KNOP1: variants seen among roughly 807,000 people sequenced by gnomAD.
KNOP1 encodes the protein lysine-rich nucleolar protein 1.
A neutral mutation model predicts 30.6 loss-of-function variants in KNOP1; 20 were observed. The ratio of observed to expected loss-of-function variants is 0.65; its 90% CI spans 0.46 to 0.95. KNOP1 has a LOEUF of 0.95. Among genes scored for constraint, KNOP1 ranks in the 40% least tolerant of loss-of-function variants. The probability of loss-of-function intolerance (pLI) is 0.00; values close to 1 mark genes in which losing one functional copy is unlikely to be tolerated. For synonymous variants in KNOP1, 204 were observed against 210.0 expected, an observed-to-expected ratio of 0.97 and a Z score of 0.25; for missense variants, 540 against 562.0, an observed-to-expected ratio of 0.96 and a Z score of 0.40.
At chr16:19,710,717 A>G in intron 3 of KNOP1, 131 bp from the exon 4 acceptor site, 1 of 712,288 alleles carries the variant, frequency 1.4e-6, no homozygotes. Context: ...TGCTACAAAC[A>G]ATGGGAAGCT....
In KNOP1 at chr16:19,705,183, A is replaced by C. The variant is rs739565; in HGVS notation, c.*1727T>G. On this transcript the variant is annotated 3_prime_UTR_variant, in exon 5 of 5. Coordinates refer to ENST00000219837, the MANE Select transcript of KNOP1 (RefSeq NM_001012991.3). ...CTAGCCTTGATGAAGCCAACACTGG[A>C]GATGATGGAGAGAATGCTTCCTTGG... 2.2e-6 allele frequency: 1 copy of C among 455,878 alleles called. No homozygotes were observed. The highest frequency in any genetic ancestry group is 2.4e-5 in the Admixed American group (1 of 42,548). The allele number at this position is 455,878 out of a possible 1,614,324, so 28.2% of individuals were successfully genotyped here.
chr16:19,707,197 T>C lies in KNOP1; in HGVS notation c.1090A>G (p.Thr364Ala), dbSNP rs760497941. ...WTGTQFGQWD[T>A]AGFENEDQKL... ...TGGTCCTCGTTCTCAAAACCAGCAG[T>C]ATCCCACTGGCCAAACTGGGTTCCC... The change falls in exon 5 of 5, where the codon ACT becomes GCT. Residue 364 changes from threonine (T) to alanine (A), a missense_variant. Coordinates refer to ENST00000219837, the MANE Select transcript of KNOP1 (RefSeq NM_001012991.3). The C allele has an allele frequency of 6.2e-7, 1 of 1,613,368 alleles. No individual in the cohort carries two copies. Among genetic ancestry groups the C allele is most frequent in the Non-Finnish European group, 8.5e-7 (1 of 1,179,974 alleles).
At position 19,704,139 on chromosome 16, in the gene KNOP1, C is replaced by G. The variant is rs1012027895; in HGVS notation, c.*2771G>C. 1.3e-5 allele frequency: 2 copies of G among 152,214 alleles called. No individual in the cohort carries two copies. Among genetic ancestry groups the G allele is most frequent in the African/African-American group, 4.8e-5 (2 of 41,436 alleles). 9.4% of individuals were successfully genotyped at this position (152,214 alleles called of 1,614,324 possible). On this transcript the variant is annotated 3_prime_UTR_variant, in exon 5 of 5. Coordinates refer to ENST00000219837, the MANE Select transcript of KNOP1 (RefSeq NM_001012991.3). Reference sequence around the variant, plus strand: ...TTCTGTTGCCCGGGGCTAGAGTGTGCAGTGGCACCATCCCAGCTCACTACA... The same window carrying G: ...TTCTGTTGCCCGGGGCTAGAGTGTGGAGTGGCACCATCCCAGCTCACTACA...
At chr16:19,707,534 G>A (rs1026551983) in intron 4 of KNOP1, among the ~76,000 whole-genome samples, 1 of 151,896 alleles carries the variant, frequency 6.6e-6, no homozygotes, top group Admixed American at 6.6e-5. Flanking sequence ...GCACAGAGCT[G>A]CCTTTCTGCC....
chr16:19,710,572 G>A lies in KNOP1; in HGVS notation c.1002C>T (p.Ala334=). ...EAHIDQVRRK[A]LQEEIDRESG... is the part of the protein sequence containing the mutation. ...ACTCGCGATCGATCTCTTCTTGCAA[G>A]GCCTTTCGCCTCACCTGAGCAAGAA... Residue 334 remains alanine (A), a synonymous_variant, in exon 4 of 5, where the codon GCC becomes GCT. Coordinates refer to ENST00000219837, the MANE Select transcript of KNOP1 (RefSeq NM_001012991.3). 2 of 1,612,224 alleles carry A rather than the reference G, an allele frequency of 1.2e-6. No homozygotes were observed. Among genetic ancestry groups the A allele is most frequent in the Non-Finnish European group, 1.7e-6 (2 of 1,180,004 alleles).
chr16:19,714,866 T>A lies in KNOP1; in HGVS notation c.170A>T (p.Gln57Leu). 6.2e-7 allele frequency: 1 copy of A among 1,613,566 alleles called. No homozygotes were observed. Among genetic ancestry groups the A allele is most frequent in the Non-Finnish European group, 8.5e-7 (1 of 1,179,864 alleles). The part of the protein sequence containing the change: ...TSPSKSVAHG[Q>L]APEMPLVKKK... ...CTTCACTAGAGGCATCTCAGGTGCC[T>A]GCCCATGGGCCACACTCTTAGAGGG... The change falls in exon 2 of 5, where the codon CAG (glutamine) becomes CTG (leucine). Residue 57 changes from glutamine to leucine, a missense_variant. Transcript: ENST00000219837.
chr16:19,710,267 A>C, intron 4 of KNOP1: 1 of 580,266 alleles, frequency 1.7e-6, no homozygotes, highest in Non-Finnish European at 3.1e-6. Context: ...GGCTGAGACA[A>C]AGGTTCAGGC....
At position 19,705,483 on chromosome 16, in the gene KNOP1, G is replaced by A; in HGVS notation, c.*1427C>T. ...CAGGCTTGGAAACGCTGTCCCCACA[G>A]CCGATGAGGCAACTTCCCGTGTCAT... On this transcript the variant is annotated 3_prime_UTR_variant, in exon 5 of 5. Transcript: ENST00000219837. 3.1e-6 allele frequency: 1 copy of A among 319,676 alleles called. No homozygotes were observed. The allele number at this position is 319,676 out of a possible 1,614,324, so 19.8% of individuals were successfully genotyped here.
At chr16:19,707,518 A>G (rs1976445032) in intron 4 of KNOP1, among the ~76,000 whole-genome samples, 1 of 151,768 alleles carries the variant, frequency 6.6e-6, no homozygotes. Context: ...ACCACTGCCC[A>G]CCTCTGCACA....
intron 3 of KNOP1, among the ~76,000 whole-genome samples, chr16:19,710,948 GA>G (rs1014879144): frequency 6.7e-5 from 10 of 148,538 alleles, no homozygotes; most frequent in Non-Finnish European, 1.5e-4. Flanking sequence ...CCCAAGGCCA[GA>G]AAGTCCACTT....
At position 19,715,028 on chromosome 16, in the gene KNOP1, G is replaced by A. The variant is rs1976948844; in HGVS notation, c.8C>T (p.Thr3Ile). The A allele has an allele frequency of 1.3e-6, 2 of 1,555,150 alleles. No individual in the cohort carries two copies. Among genetic ancestry groups the A allele is most frequent in the Non-Finnish European group, 8.6e-7 (1 of 1,157,666 alleles). MITKTHKVDLGLP... is the reference protein window; with the variant it reads MIIKTHKVDLGLP... Reference sequence around the variant, plus strand: ...CCCAAGGTCTACTTTGTGTGTCTTGGTGATCATTCCTGAAAAAACAAATGG... The same window carrying A: ...CCCAAGGTCTACTTTGTGTGTCTTGATGATCATTCCTGAAAAAACAAATGG... Residue 3 changes from threonine (T) to isoleucine (I), a missense_variant, in exon 2 of 5, where the codon ACC becomes ATC. By Grantham distance (89) the Thr-to-Ile change is moderately conservative. Transcript: ENST00000219837.
chr16:19,706,984 C>T lies in KNOP1; in HGVS notation c.1303G>A (p.Gly435Ser), dbSNP rs561880871. The change falls in exon 5 of 5, where the codon GGC (glycine) becomes AGC (serine). Residue 435 changes from glycine (G) to serine (S), a missense_variant. Gly to Ser is a moderately conservative substitution (Grantham distance 56). Coordinates refer to ENST00000219837, the MANE Select transcript of KNOP1 (RefSeq NM_001012991.3). ...SWKYSRGAGL[G>S]FSTAPNKIFY... is the part of the protein sequence containing the mutation. Reference sequence around the variant, plus strand: ...ATCTTGTTGGGGGCGGTGGAGAAGCCGAGGCCGGCTCCCCGGCTGTACTTC... The same window carrying T: ...ATCTTGTTGGGGGCGGTGGAGAAGCTGAGGCCGGCTCCCCGGCTGTACTTC... The T allele has an allele frequency of 6.2e-6, 10 of 1,613,788 alleles. No individual in the cohort carries two copies. The highest frequency in any genetic ancestry group is 3.3e-5 in the South Asian group (3 of 91,052).
At chr16:19,710,127 G>C (rs1402738449) in intron 4 of KNOP1, 1 of 279,058 alleles carries the variant, frequency 3.6e-6, no homozygotes, top group Non-Finnish European at 7.1e-6. Flanking sequence ...GAGAGGGGCC[G>C]CGACCACTCC....
At chr16:19,710,906 C>T (rs749283334) in intron 3 of KNOP1, among the ~76,000 whole-genome samples, 293 of 124,584 alleles carry the variant, frequency 2.4e-3, no homozygotes, top group Non-Finnish European at 2.8e-3. Flanking sequence ...AGTGAGACTC[C>T]GTCTCAAAAA....
In KNOP1 at chr16:19,714,957, T is replaced by C. The variant is rs1437713980; in HGVS notation, c.79A>G (p.Thr27Ala). ...KKKKVVKEPE[T>A]RYSVLNNDDY... ...TCATTGTTTAAAACTGAGTATCGAG[T>C]CTCTGGTTCTTTGACCACTTTCTTC... The change falls in exon 2 of 5, where the codon ACT becomes GCT. Residue 27 changes from threonine (T) to alanine (A), a missense_variant. By Grantham distance (58) the Thr-to-Ala change is moderately conservative. Coordinates refer to ENST00000219837, the MANE Select transcript of KNOP1 (RefSeq NM_001012991.3). 1 of 1,606,046 alleles carries C rather than the reference T, an allele frequency of 6.2e-7. No individual in the cohort carries two copies. The highest frequency in any genetic ancestry group is 8.5e-7 in the Non-Finnish European group (1 of 1,177,874).
In KNOP1 at chr16:19,706,202, A is replaced by G. The variant is rs905958060; in HGVS notation, c.*708T>C. 7.2e-5 allele frequency: 11 copies of G among 152,566 alleles called. No individual in the cohort carries two copies. The highest frequency in any genetic ancestry group is 2.7e-4 in the African/African-American group (11 of 41,468). The allele number at this position is 152,566 out of a possible 1,614,324, so 9.5% of individuals were successfully genotyped here. The stretch of plus-strand genomic sequence containing the variant: ...TTCCTCATTCACTCCACTTTTTATC[A>G]GAGATGCAGACTTGTCATAAAACTT... On this transcript the variant is annotated 3_prime_UTR_variant, in exon 5 of 5. Transcript: ENST00000219837.
rs191422682 is a variant in KNOP1 at position 19,703,907 on chromosome 16, A to C, written c.*3003T>G. 1 of 152,228 alleles carries C rather than the reference A, an allele frequency of 6.6e-6. No individual in the cohort carries two copies. Among genetic ancestry groups the C allele is most frequent in the East Asian group, 1.9e-4 (1 of 5,172 alleles). 9.4% of individuals were successfully genotyped at this position (152,228 alleles called of 1,614,324 possible). On this transcript the variant is annotated 3_prime_UTR_variant, in exon 5 of 5. Transcript: ENST00000219837. The stretch of plus-strand genomic sequence containing the variant: ...ATAAAGCTCCCCCTGTGCAAATGGA[A>C]CTCCTAAGCCAGTGGTGATGTTGAG...
chr16:19,711,343 G>A (rs1444464880), intron 3 of KNOP1, 29 bp downstream of exon 3: 8 of 1,611,596 alleles, frequency 5.0e-6, no homozygotes, highest in Admixed American at 3.3e-5. Context: ...GAGGCAGCGG[G>A]AGGGGCCTGA....
chr16:19,709,893 G>A (rs12325199), intron 4 of KNOP1, among the ~76,000 whole-genome samples: 4,193 of 152,100 alleles, frequency 0.028, 181 homozygotes, highest in African/African-American at 0.095. Context: ...TGCTCACCCC[G>A]CTCTGGCCTC....
Sources: allele counts gnomAD v4.1 joint callset (sites outside exome capture counted in the v4.1 genomes callset), GRCh38; gene constraint gnomAD v4.1.1; transcripts MANE v1.5; gene names NCBI Gene and HGNC (gene_info 2026-07-23, HGNC 2026-07-21).